Variants in PPARGC1A observed in about 807,000 individuals in gnomAD.
PPARGC1A encodes the protein peroxisome proliferator-activated receptor gamma coactivator 1-alpha.
Under a neutral mutation model 88.7 loss-of-function variants are expected in PPARGC1A, and 25 were observed. The observed-to-expected ratio is 0.28, with a 90% CI of 0.21 to 0.39. The LOEUF (loss-of-function observed/expected upper bound fraction) is 0.39. Ranked by LOEUF, PPARGC1A falls within the 10% of genes least tolerant of loss-of-function variation. The pLI is 1.00. For synonymous variants in PPARGC1A, 363 were observed against 355.6 expected, an observed-to-expected ratio of 1.02 and a Z score of -0.24; for missense variants, 880 against 968.7, an observed-to-expected ratio of 0.91 and a Z score of 1.22.
chr4:23,797,778 C>T (rs778102118), intron 12 of PPARGC1A, among the ~76,000 whole-genome samples: 20 of 152,154 alleles, frequency 1.3e-4, no homozygotes, highest in Non-Finnish European at 2.4e-4. Context: ...ATAACATCTA[C>T]TCCACCAATT....
chr4:23,836,142 G>A (rs115965214), intron 2 of PPARGC1A, among the ~76,000 whole-genome samples: 1,836 of 152,236 alleles, frequency 0.012, 20 homozygotes, highest in Admixed American at 0.044. Flanking sequence ...AGCTCCATCC[G>A]AGTTGGGGAA....
At chr4:24,446,156 T>C in the PPARGC1A span, among the ~76,000 whole-genome samples, 15 of 152,222 alleles carry the variant, frequency 9.9e-5, no homozygotes, top group Admixed American at 9.8e-4. Context: ...CAACAGGACC[T>C]CATTCTGGAA....
chr4:24,206,192 G>C, the PPARGC1A span, among the ~76,000 whole-genome samples: 1 of 152,212 alleles, frequency 6.6e-6, no homozygotes, highest in Admixed American at 6.5e-5. Context: ...ATTTTGCTTA[G>C]TGAAGAAGCT....
the PPARGC1A span, among the ~76,000 whole-genome samples, chr4:24,275,240 C>T: frequency 1.3e-5 from 2 of 152,056 alleles, no homozygotes; most frequent in South Asian, 4.2e-4. Flanking sequence ...TTACACACAG[C>T]ACAACTCTAC....
At chr4:24,145,078 A>AGTGTGTGTGTGTGTGTGT in the PPARGC1A span, among the ~76,000 whole-genome samples, 1 of 144,318 alleles carries the variant, frequency 6.9e-6, no homozygotes, top group East Asian at 2.1e-4. Context: ...GTGTTGAATG[A>AGTGTGTGTGTGTGTGTGT]GTGTGTGTGT....
chr4:23,939,474 A>G, the PPARGC1A span, among the ~76,000 whole-genome samples: 1 of 152,210 alleles, frequency 6.6e-6, no homozygotes, highest in African/African-American at 2.4e-5. Context: ...TTATTTCAAT[A>G]TATTTTCCTT....
intron 2 of PPARGC1A, among the ~76,000 whole-genome samples, chr4:23,855,110 T>C (rs1729967830): frequency 6.6e-6 from 1 of 152,182 alleles, no homozygotes; most frequent in South Asian, 2.1e-4. Context: ...CCCTTTCACT[T>C]GGCTCTCATT....
the PPARGC1A span, among the ~76,000 whole-genome samples, chr4:24,133,638 C>T: frequency 6.6e-6 from 1 of 152,152 alleles, no homozygotes; most frequent in Non-Finnish European, 1.5e-5. Flanking sequence ...TTGTACGTCC[C>T]TCCCTAGATG....
At chr4:23,946,817 CACACACACACAT>C in the PPARGC1A span, among the ~76,000 whole-genome samples, 22 of 151,970 alleles carry the variant, frequency 1.4e-4, no homozygotes, top group Non-Finnish European at 2.4e-4. Context: ...TATGTACACA[CACACACACACAT>C]ACACACACAC....
At chr4:23,936,969 A>G in the PPARGC1A span, among the ~76,000 whole-genome samples, 2 of 152,116 alleles carry the variant, frequency 1.3e-5, no homozygotes, top group African/African-American at 4.8e-5. Context: ...ACTGAACATG[A>G]CAGGCATAGG....
At chr4:24,360,784 G>T in the PPARGC1A span, among the ~76,000 whole-genome samples, 1 of 152,194 alleles carries the variant, frequency 6.6e-6, no homozygotes, top group Non-Finnish European at 1.5e-5. Context: ...GTAATGCAAT[G>T]CTTGGATATA....
intron 2 of PPARGC1A, among the ~76,000 whole-genome samples, chr4:23,844,684 CAT>C (rs1292294361): frequency 2.2e-5 from 2 of 90,258 alleles, no homozygotes; most frequent in Non-Finnish European, 3.9e-5. Context: ...TAATATATAT[CAT>C]ATAATATATG....
the PPARGC1A span, among the ~76,000 whole-genome samples, chr4:23,913,265 T>TAGAGAGAG: frequency 1.7e-5 from 1 of 58,770 alleles, no homozygotes; most frequent in Admixed American, 2.0e-4. Context: ...TATATATATA[T>TAGAGAGAG]ATAGAGAGAG....
At chr4:24,199,274 A>G in the PPARGC1A span, among the ~76,000 whole-genome samples, 598 of 152,264 alleles carry the variant, frequency 3.9e-3, 3 homozygotes, top group Admixed American at 6.1e-3. Context: ...ACATTTTCTG[A>G]GCTGTACCTG....
the PPARGC1A span, among the ~76,000 whole-genome samples, chr4:24,011,282 A>G: frequency 6.6e-6 from 1 of 152,152 alleles, no homozygotes; most frequent in Non-Finnish European, 1.5e-5. Context: ...CTTCACCATC[A>G]GCCATCTGTC....
the PPARGC1A span, among the ~76,000 whole-genome samples, chr4:24,014,174 A>G: frequency 1.3e-5 from 2 of 152,198 alleles, no homozygotes; most frequent in African/African-American, 4.8e-5. Flanking sequence ...GTCATGAAAT[A>G]AAGCAATACA....
At chr4:23,938,117 A>AT in the PPARGC1A span, among the ~76,000 whole-genome samples, 1 of 152,120 alleles carries the variant, frequency 6.6e-6, no homozygotes, top group South Asian at 2.1e-4. Flanking sequence ...TAAAAAAAAA[A>AT]GTGCACCAAG....
At chr4:24,236,208 T>C in the PPARGC1A span, among the ~76,000 whole-genome samples, 4 of 152,188 alleles carry the variant, frequency 2.6e-5, no homozygotes, top group Admixed American at 1.3e-4. Flanking sequence ...GGTCGTATCA[T>C]GAGCAGACAC....
the PPARGC1A span, among the ~76,000 whole-genome samples, chr4:24,088,771 C>T: frequency 6.6e-6 from 1 of 152,170 alleles, no homozygotes; most frequent in Non-Finnish European, 1.5e-5. Context: ...TGCCTGCCCA[C>T]ATCACAGCTG....
Sources: allele counts gnomAD v4.1 joint callset (sites outside exome capture counted in the v4.1 genomes callset), GRCh38; gene constraint gnomAD v4.1.1; transcripts MANE v1.5; gene names NCBI Gene and HGNC (gene_info 2026-07-23, HGNC 2026-07-21).